The following ERC2 variants were observed in gnomAD, a reference collection of about 807,000 sequenced individuals.
ERC2 encodes ELKS/RAB6-interacting/CAST family member 2, also known as ERC protein 2.
In ERC2, 42 loss-of-function variants were observed where a neutral mutation model predicts 114.8. The ratio of observed to expected loss-of-function variants is 0.37; its 90% CI spans 0.29 to 0.47. The LOEUF (loss-of-function observed/expected upper bound fraction) is 0.47. Among genes scored for constraint, ERC2 ranks in the 20% least tolerant of loss-of-function variants. The probability of loss-of-function intolerance (pLI) is 0.99; values close to 1 mark genes in which losing one functional copy is unlikely to be tolerated. For missense variants in ERC2, 939 were observed against 1,150.7 expected (o/e 0.82, Z 2.66); for synonymous variants, 454 against 425.5 (o/e 1.07, Z -0.82).
At chr3:56,133,117 A>G (rs2080300956) in intron 6 of ERC2, among the ~76,000 whole-genome samples, 1 of 152,204 alleles carries the variant, frequency 6.6e-6, no homozygotes, top group South Asian at 2.1e-4. Flanking sequence ...AGACAGAATT[A>G]TAAAACTTGC....
At chr3:56,067,947 T>C (rs2149721726) in intron 7 of ERC2, among the ~76,000 whole-genome samples, 1 of 152,324 alleles carries the variant, frequency 6.6e-6, no homozygotes, top group East Asian at 1.9e-4. Context: ...TTTGCCAGTA[T>C]ATTATTATGG....
chr3:55,725,837 G>A (rs1282728663), intron 15 of ERC2, among the ~76,000 whole-genome samples: 1 of 152,182 alleles, frequency 6.6e-6, no homozygotes, highest in Non-Finnish European at 1.5e-5. Context: ...TTCACTGAGT[G>A]CTATTTTTTG....
At chr3:56,127,956 C>T (rs2079976528) in intron 6 of ERC2, among the ~76,000 whole-genome samples, 3 of 152,058 alleles carry the variant, frequency 2.0e-5, no homozygotes, top group Non-Finnish European at 2.9e-5. Context: ...TCACCATATA[C>T]AAAAGTTAAC....
intron 1 of ERC2, among the ~76,000 whole-genome samples, chr3:56,454,143 G>A (rs1402164808): frequency 1.3e-5 from 2 of 152,186 alleles, no homozygotes; most frequent in Non-Finnish European, 1.5e-5. Context: ...TTAAAGGCAA[G>A]AACTATGTCT....
chr3:55,653,597 G>A (rs1014804697), intron 17 of ERC2, among the ~76,000 whole-genome samples: 1 of 149,104 alleles, frequency 6.7e-6, no homozygotes, highest in African/African-American at 2.5e-5. Context: ...GTGTGTGTGT[G>A]TGTGTGTGTG....
At chr3:56,108,672 T>A (rs1484632805) in intron 6 of ERC2, among the ~76,000 whole-genome samples, 1 of 152,164 alleles carries the variant, frequency 6.6e-6, no homozygotes, top group Non-Finnish European at 1.5e-5. Context: ...AGATTGAATG[T>A]ACCCTATAGA....
chr3:56,081,543 G>T (rs1362314607), intron 6 of ERC2, among the ~76,000 whole-genome samples: 1 of 151,278 alleles, frequency 6.6e-6, no homozygotes, highest in African/African-American at 2.4e-5. Flanking sequence ...TCATGAGACT[G>T]CTTTCCAAAT....
intron 17 of ERC2, among the ~76,000 whole-genome samples, chr3:55,561,754 T>C (rs976722776): frequency 6.6e-6 from 1 of 152,148 alleles, no homozygotes; most frequent in South Asian, 2.1e-4. Flanking sequence ...CAAGGTCTAC[T>C]CTCAGTCCAT....
At chr3:55,578,582 C>T (rs561726962) in intron 17 of ERC2, among the ~76,000 whole-genome samples, 5 of 152,358 alleles carry the variant, frequency 3.3e-5, no homozygotes, top group Non-Finnish European at 7.3e-5. Context: ...GAAACAAATA[C>T]TATCTACTTA....
At chr3:56,365,581 A>G (rs987308861) in intron 2 of ERC2, among the ~76,000 whole-genome samples, 1 of 152,224 alleles carries the variant, frequency 6.6e-6, no homozygotes, top group Admixed American at 6.5e-5. Context: ...GCCAAATCCA[A>G]CCCATCACCT....
At chr3:56,416,659 T>TAAAAA (rs35915351) in intron 2 of ERC2, among the ~76,000 whole-genome samples, 7 of 104,298 alleles carry the variant, frequency 6.7e-5, no homozygotes, top group African/African-American at 2.1e-4. Context: ...AAAACATGAT[T>TAAAAA]AAAAAAAAAA....
chr3:56,034,865 A>G (rs1412170791), intron 7 of ERC2, among the ~76,000 whole-genome samples: 1 of 152,104 alleles, frequency 6.6e-6, no homozygotes, highest in Non-Finnish European at 1.5e-5. Context: ...ACCTATATTA[A>G]GGAAAAAGAA....
In ERC2 at chr3:55,936,082, C is replaced by T. The variant is rs139083903; in HGVS notation, c.2403+14343G>A. Among the ~76,000 whole-genome samples the T allele has an allele frequency of 4.6e-3, 700 of 152,214 alleles. 6 individuals are homozygous for T. Among genetic ancestry groups the T allele is most frequent in the African/African-American group, 0.016 (659 of 41,510 alleles). On this transcript the variant is annotated intron_variant, in intron 13 of 17. Coordinates refer to ENST00000288221, the MANE Select transcript of ERC2 (RefSeq NM_015576.3). ...ATCAGGCACTGAAAAGACACAGGTC[C>T]TCACTTCGAAGGAGGTCTCCATTGA... is the stretch of plus-strand genomic sequence containing the variant.
intron 6 of ERC2, among the ~76,000 whole-genome samples, chr3:56,132,504 GC>G (rs2080262273): frequency 6.6e-6 from 1 of 152,126 alleles, no homozygotes; most frequent in African/African-American, 2.4e-5. Flanking sequence ...TATCATTGCT[GC>G]TTCTGTTAAA....
At chr3:56,006,520 C>A (rs2072506445) in intron 10 of ERC2, among the ~76,000 whole-genome samples, 1 of 151,972 alleles carries the variant, frequency 6.6e-6, no homozygotes, top group Admixed American at 6.6e-5. Flanking sequence ...ACATACCAAA[C>A]AACACAGGGA....
chr3:55,816,595 T>C (rs1253781036), intron 14 of ERC2, among the ~76,000 whole-genome samples: 3 of 152,212 alleles, frequency 2.0e-5, no homozygotes, highest in Non-Finnish European at 4.4e-5. Flanking sequence ...CAAGCATAAC[T>C]GCACTTATGC....
chr3:55,702,915 T>A (rs1407753857), intron 15 of ERC2, among the ~76,000 whole-genome samples: 1 of 152,352 alleles, frequency 6.6e-6, no homozygotes, highest in South Asian at 2.1e-4. Context: ...GGGACTCATT[T>A]AGCGATTCAC....
chr3:55,928,466 T>C (rs1434257759), intron 13 of ERC2, among the ~76,000 whole-genome samples: 1 of 151,748 alleles, frequency 6.6e-6, no homozygotes, highest in Non-Finnish European at 1.5e-5. Flanking sequence ...ATTATTCAAT[T>C]TTTTTCTTAT....
intron 14 of ERC2, among the ~76,000 whole-genome samples, chr3:55,846,547 T>C (rs916775478): frequency 6.6e-6 from 1 of 152,164 alleles, no homozygotes; most frequent in Non-Finnish European, 1.5e-5. Flanking sequence ...GGTAGTTCTG[T>C]TTTTAGCTCT....
Sources: allele counts gnomAD v4.1 joint callset (sites outside exome capture counted in the v4.1 genomes callset), GRCh38; gene constraint gnomAD v4.1.1; transcripts MANE v1.5; gene names NCBI Gene and HGNC (gene_info 2026-07-23, HGNC 2026-07-21).